Variants in DPP10 observed in about 807,000 individuals in gnomAD.
DPP10 encodes inactive dipeptidyl peptidase 10.
DPP10 carries 33 observed loss-of-function variants against 120.9 expected under a neutral mutation model. That is an observed-to-expected ratio of 0.27 (90% CI 0.21 to 0.37). DPP10 has a LOEUF of 0.37. Among genes scored for constraint, DPP10 ranks in the 10% least tolerant of loss-of-function variants. DPP10 has a pLI of 1.00. For synonymous variants in DPP10, 337 were observed against 326.1 expected, an observed-to-expected ratio of 1.03 and a Z score of -0.36; for missense variants, 816 against 942.8, an observed-to-expected ratio of 0.87 and a Z score of 1.76.
chr2:115,825,673 A>G (rs1436832177), intron 21 of DPP10, among the ~76,000 whole-genome samples: 1 of 152,230 alleles, frequency 6.6e-6, no homozygotes. Flanking sequence ...TATAAATATC[A>G]ATGAAGCCAA....
At chr2:114,460,661 G>T (rs13384070) in intron 1 of DPP10, among the ~76,000 whole-genome samples, 2,951 of 151,906 alleles carry the variant, frequency 0.019, 99 homozygotes, top group African/African-American at 0.067. Context: ...TTTTCTTTTG[G>T]GTCCTTCTTT....
chr2:115,751,633 A>C (rs1395454438), intron 10 of DPP10, among the ~76,000 whole-genome samples: 2 of 152,164 alleles, frequency 1.3e-5, no homozygotes, highest in Non-Finnish European at 2.9e-5. Flanking sequence ...GGTTTTCTAG[A>C]GGAAACAGTA....
intron 1 of DPP10, among the ~76,000 whole-genome samples, chr2:115,275,323 C>CTA (rs746205105): frequency 1.3e-5 from 2 of 152,152 alleles, no homozygotes; most frequent in South Asian, 2.1e-4. Context: ...AGCCATCCAT[C>CTA]TATATATATA....
At chr2:115,515,574 A>T (rs1401897341) in intron 4 of DPP10, among the ~76,000 whole-genome samples, 1 of 152,072 alleles carries the variant, frequency 6.6e-6, no homozygotes, top group African/African-American at 2.4e-5. Flanking sequence ...GGAACATTTT[A>T]AAAAAATATT....
chr2:114,618,693 A>C (rs1283713910), intron 1 of DPP10, among the ~76,000 whole-genome samples: 1 of 152,100 alleles, frequency 6.6e-6, no homozygotes, highest in African/African-American at 2.4e-5. Flanking sequence ...AGTTGGTAAC[A>C]TGTGAACTGA....
intron 1 of DPP10, among the ~76,000 whole-genome samples, chr2:114,987,278 C>CCA (rs1330209563): frequency 6.6e-6 from 1 of 152,112 alleles, no homozygotes; most frequent in Non-Finnish European, 1.5e-5. Context: ...TCAGTCTATG[C>CCA]CATAGCACTT....
chr2:114,896,512 T>C (rs1469216412), intron 1 of DPP10, among the ~76,000 whole-genome samples: 5 of 152,126 alleles, frequency 3.3e-5, no homozygotes, highest in African/African-American at 7.2e-5. Flanking sequence ...GAATGGGAGT[T>C]CACTCATGAT....
chr2:115,268,495 C>G (rs766199746), intron 1 of DPP10, among the ~76,000 whole-genome samples: 4 of 152,026 alleles, frequency 2.6e-5, no homozygotes, highest in Non-Finnish European at 4.4e-5. Context: ...TTTCTTTCAA[C>G]AAATTATTTA....
intron 3 of DPP10, among the ~76,000 whole-genome samples, chr2:115,485,628 ATCT>A (rs1400899394): frequency 2.0e-5 from 3 of 152,108 alleles, no homozygotes; most frequent in South Asian, 2.1e-4. Flanking sequence ...ACAGTGATCA[ATCT>A]TCTCTCTAGA....
At chr2:115,198,268 A>G (rs1045148285) in intron 1 of DPP10, among the ~76,000 whole-genome samples, 8 of 152,136 alleles carry the variant, frequency 5.3e-5, no homozygotes, top group Admixed American at 4.6e-4. Context: ...AGCCTCTTAT[A>G]ATAGGTCGTA....
At chr2:115,045,388 T>A in intron 1 of DPP10, among the ~76,000 whole-genome samples, 1 of 152,340 alleles carries the variant, frequency 6.6e-6, no homozygotes, top group East Asian at 1.9e-4. Flanking sequence ...TTAAATATCT[T>A]GAGGTAATCT....
chr2:115,006,645 A>G (rs1701866061), intron 1 of DPP10, among the ~76,000 whole-genome samples: 1 of 149,398 alleles, frequency 6.7e-6, no homozygotes, highest in Non-Finnish European at 1.5e-5. Context: ...TGGTAAAGGG[A>G]TCAATTCAAC....
At chr2:114,764,647 A>T (rs1174552474) in intron 1 of DPP10, among the ~76,000 whole-genome samples, 1 of 151,942 alleles carries the variant, frequency 6.6e-6, no homozygotes. Context: ...ATGTATACAA[A>T]TATATAAAGA....
chr2:114,766,201 C>T (rs1680690899), intron 1 of DPP10, among the ~76,000 whole-genome samples: 1 of 151,954 alleles, frequency 6.6e-6, no homozygotes. Flanking sequence ...CTAAATGGAA[C>T]TCTCAGAAAC....
intron 4 of DPP10, among the ~76,000 whole-genome samples, chr2:115,505,124 A>G (rs2076873672): frequency 6.6e-6 from 1 of 152,146 alleles, no homozygotes; most frequent in Non-Finnish European, 1.5e-5. Flanking sequence ...TTTATTGTCA[A>G]TAATCATAGT....
chr2:115,345,617 G>A (rs1184767494), intron 3 of DPP10, among the ~76,000 whole-genome samples: 1 of 151,992 alleles, frequency 6.6e-6, no homozygotes, highest in Admixed American at 6.6e-5. Context: ...CTTTGACTTT[G>A]GAAAACATGA....
chr2:115,162,098 C>CG (rs200257545), intron 1 of DPP10: 2 of 1,502,496 alleles, frequency 1.3e-6, no homozygotes, highest in Non-Finnish European at 8.9e-7. Context: ...GCCCGCCTCC[C>CG]GCTTCCCAGG....
At chr2:114,561,324 C>T (rs1416803476) in intron 1 of DPP10, among the ~76,000 whole-genome samples, 2 of 152,068 alleles carry the variant, frequency 1.3e-5, no homozygotes, top group Admixed American at 6.6e-5. Flanking sequence ...GATATAAATG[C>T]CCCTAGTCCT....
At chr2:115,680,550 A>T (rs2090580666) in intron 5 of DPP10, among the ~76,000 whole-genome samples, 1 of 151,940 alleles carries the variant, frequency 6.6e-6, no homozygotes, top group African/African-American at 2.4e-5. Context: ...GTGGATGTAT[A>T]CCTCACACCG....
Sources: gnomAD v4.1 joint callset for allele counts (sites outside exome capture counted in the v4.1 genomes callset) on GRCh38, gnomAD v4.1.1 for gene constraint, MANE v1.5 for transcripts, NCBI Gene and HGNC (gene_info 2026-07-23, HGNC 2026-07-21) for gene names.